Variants in UTP6 observed in about 807,000 individuals in gnomAD.
UTP6 encodes the protein UTP6 small subunit processome component.
A neutral mutation model predicts 96.5 loss-of-function variants in UTP6; 60 were observed. The observed-to-expected ratio is 0.62, with a 90% confidence interval of 0.51 to 0.77. The LOEUF is 0.77. Among genes scored for constraint, UTP6 ranks in the 30% least tolerant of loss-of-function variants. UTP6 has a pLI of 0.00. For synonymous variants in UTP6, 215 were observed against 240.1 expected (o/e 0.90, Z 0.96); for missense variants, 637 against 706.5 (o/e 0.90, Z 1.12).
At position 31,889,320 on chromosome 17, in the gene UTP6, G is replaced by A. The variant is rs138291704; in HGVS notation, c.508C>T (p.Arg170Cys). 2.0e-4 allele frequency: 315 copies of A among 1,613,540 alleles called. 1 individual carries two copies. In the East Asian group the frequency reaches 5.3e-3, roughly 27 times the overall value. ...SARQLFLRAL[R>C]FHPECPKLYK... Reference sequence around the variant, plus strand: ...AGTTTTGGGCACTCTGGATGAAAGCGCAGTGCGCGAAGAAATAGTTGCCTT... The same window carrying A: ...AGTTTTGGGCACTCTGGATGAAAGCACAGTGCGCGAAGAAATAGTTGCCTT... Residue 170 changes from arginine (R) to cysteine (C), a missense_variant, in exon 7 of 19, where the codon CGC (arginine) becomes TGC (cysteine). Coordinates refer to ENST00000261708, the MANE Select transcript of UTP6 (RefSeq NM_018428.3).
At chr17:31,890,897 G>T (rs12943055) in intron 6 of UTP6, among the ~76,000 whole-genome samples, 115,304 of 151,644 alleles carry the variant, frequency 0.76, 44,271 homozygotes, top group East Asian at 0.84. Context: ...TGAGGCATGA[G>T]AATCACTTGA....
At chr17:31,897,266 G>C (rs2142326889) in intron 2 of UTP6, among the ~76,000 whole-genome samples, 1 of 151,910 alleles carries the variant, frequency 6.6e-6, no homozygotes, top group Middle Eastern at 3.4e-3. Flanking sequence ...CTGGGCAAGA[G>C]TGAGTGTATT....
chr17:31,882,683 G>A (rs1227367839), intron 10 of UTP6, among the ~76,000 whole-genome samples: 1 of 152,142 alleles, frequency 6.6e-6, no homozygotes, highest in African/African-American at 2.4e-5. Context: ...TCAAAACCCT[G>A]AAGATATCCA....
intron 7 of UTP6, chr17:31,887,556 G>A (rs1054198623): frequency 3.4e-5 from 13 of 377,932 alleles, no homozygotes; most frequent in African/African-American, 1.9e-4. Context: ...ATCTTGCTAC[G>A]TTGCTGCCTG....
At chr17:31,880,455 G>A (rs1345207848) in intron 11 of UTP6, 118 bp downstream of exon 11, 16 of 1,169,808 alleles carry the variant, frequency 1.4e-5, no homozygotes, top group Middle Eastern at 2.2e-4. Flanking sequence ...CAGGCTCATC[G>A]TAAACTATGT....
chr17:31,867,686 G>T (rs550084304), intron 17 of UTP6, among the ~76,000 whole-genome samples: 1 of 151,946 alleles, frequency 6.6e-6, no homozygotes, highest in Non-Finnish European at 1.5e-5. Flanking sequence ...GGCCAGGCAC[G>T]GTGGCTCACG....
At chr17:31,876,342 G>A (rs946616499) in intron 13 of UTP6, among the ~76,000 whole-genome samples, 85 of 142,132 alleles carry the variant, frequency 6.0e-4, no homozygotes, top group Admixed American at 1.2e-3. Context: ...CAGCATATAA[G>A]TTTTTAATAA....
intron 7 of UTP6, chr17:31,887,897 G>A (rs1423533501): frequency 2.0e-5 from 3 of 146,406 alleles, no homozygotes; most frequent in African/African-American, 7.7e-5. Flanking sequence ...GGGCGTGGAG[G>A]TTGCAGTGAG....
At chr17:31,899,506 A>C in intron 2 of UTP6, 140 bp downstream of exon 2, 1 of 493,890 alleles carries the variant, frequency 2.0e-6, no homozygotes, top group Non-Finnish European at 3.3e-6. Context: ...GAATCGCTTG[A>C]GCCTGGAGGG....
intron 5 of UTP6, 33 bp from the exon 6 acceptor site, chr17:31,892,356 A>C (rs1904370748): frequency 1.3e-6 from 2 of 1,590,858 alleles, no homozygotes; most frequent in Non-Finnish European, 1.7e-6. Context: ...TACTTCCTGC[A>C]CAGATAAATC....
intron 2 of UTP6, among the ~76,000 whole-genome samples, chr17:31,898,634 G>C (rs1159634454): frequency 3.3e-5 from 5 of 152,216 alleles, no homozygotes; most frequent in African/African-American, 1.2e-4. Context: ...GGAGGCGGAG[G>C]TTGCGGTGAG....
At chr17:31,880,879 A>C in intron 10 of UTP6, 125 bp from the exon 11 acceptor site, 2 of 1,312,604 alleles carry the variant, frequency 1.5e-6, no homozygotes, top group Non-Finnish European at 2.1e-6. Context: ...AGTACCATAA[A>C]AACTATTTCC....
Position 31,894,144 on chromosome 17 carries a change from C to T in UTP6, c.312+501G>A, listed in dbSNP as rs1052420060. Among the ~76,000 whole-genome samples the T allele has an allele frequency of 6.6e-5, 10 of 151,672 alleles. No individual in the cohort carries two copies. The East Asian group carries it at 1.9e-3, about 29-fold the overall frequency. ...ATTAGCCAGGCACGGTGGCATGCGC[C>T]TGTGATCCCAGCTACTGGGGAGGCT... On this transcript the variant is annotated intron_variant, in intron 4 of 18. Transcript: ENST00000261708.
At chr17:31,878,178 C>A in intron 13 of UTP6, 72 bp downstream of exon 13, 1 of 1,495,552 alleles carries the variant, frequency 6.7e-7, no homozygotes, top group African/African-American at 1.4e-5. Flanking sequence ...ATATTTAAAA[C>A]ATGACTCTGG....
At position 31,878,241 on chromosome 17, in the gene UTP6, T is replaced by C. The variant is rs767290263; in HGVS notation, c.1125+9A>G. 2.5e-6 allele frequency: 4 copies of C among 1,613,850 alleles called. No individual in the cohort carries two copies. The highest frequency in any genetic ancestry group is 3.4e-6 in the Non-Finnish European group (4 of 1,179,736). ...TAACTGGCACAGAATATTTTCTCTA[T>C]GTTCTTACCAACTGCTTGTATTGGC... On this transcript the variant is annotated intron_variant, in intron 13 of 18. Coordinates refer to ENST00000261708, the MANE Select transcript of UTP6 (RefSeq NM_018428.3).
In UTP6 at chr17:31,863,532, C is replaced by T. The variant is rs573375899; in HGVS notation, c.1637-16G>A. ...ATCCAAAGATCTTTTAAAAAAAAAA[C>T]ATACAATTAGATAACTGACAGAGTG... On this transcript the variant is annotated splice_polypyrimidine_tract_variant and intron_variant, in intron 18 of 18. Transcript: ENST00000261708. 1.3e-5 allele frequency: 21 copies of T among 1,569,028 alleles called. No individual in the cohort carries two copies. Among genetic ancestry groups the T allele is most frequent in the South Asian group, 1.3e-4 (11 of 85,632 alleles).
intron 17 of UTP6, among the ~76,000 whole-genome samples, chr17:31,865,778 G>T (rs568768644): frequency 1.3e-5 from 2 of 152,314 alleles, no homozygotes; most frequent in Non-Finnish European, 2.9e-5. Context: ...TATTCGCTTT[G>T]AGTAAGGATT....
rs1909933068 is a variant in UTP6, at chr17:31,868,137, TC to T, written c.1497-26del. 3 of 1,603,868 alleles carry T rather than the reference TC, an allele frequency of 1.9e-6. No homozygotes were observed. In the East Asian group the frequency reaches 6.7e-5, roughly 36 times the overall value. ...ACTAAAAAGGAAGGAGAAAACGTTA[TC>T]TTCAACAATGACAAAAAGCCTCTTA... On this transcript the variant is annotated intron_variant, in intron 16 of 18. Transcript: ENST00000261708.
intron 9 of UTP6, 26 bp downstream of exon 9, chr17:31,885,954 A>G (rs777793975): frequency 1.5e-5 from 24 of 1,587,326 alleles, no homozygotes; most frequent in Non-Finnish European, 2.1e-5. Flanking sequence ...CTTTCCTACC[A>G]AAAATAATGT....
Sources: allele counts gnomAD v4.1 joint callset (sites outside exome capture counted in the v4.1 genomes callset), GRCh38; gene constraint gnomAD v4.1.1; transcripts MANE v1.5; gene names NCBI Gene and HGNC (gene_info 2026-07-23, HGNC 2026-07-21).